The following KCNMA1 variants were observed in gnomAD, a reference collection of about 807,000 sequenced individuals.
KCNMA1 encodes the protein potassium calcium-activated channel subfamily M alpha 1.
In KCNMA1, 29 loss-of-function variants were observed where a neutral mutation model predicts 140.0. That is an observed-to-expected ratio of 0.21 (90% CI 0.15 to 0.28). KCNMA1 has a LOEUF of 0.28. Ranked by LOEUF, KCNMA1 falls within the 10% of genes least tolerant of loss-of-function variation. KCNMA1 has a pLI of 1.00. For missense variants in KCNMA1, 880 were observed against 1,602.2 expected, an observed-to-expected ratio of 0.55 and a Z score of 7.70; for synonymous variants, 612 against 611.9, an observed-to-expected ratio of 1.00 and a Z score of 0.00.
chr10:77,133,949 G>A (rs960148559), intron 5 of KCNMA1, among the ~76,000 whole-genome samples: 12 of 152,226 alleles, frequency 7.9e-5, no homozygotes, highest in Admixed American at 2.0e-4. Context: ...TGGCAACAAT[G>A]ACTAAGCAGT....
intron 2 of KCNMA1, among the ~76,000 whole-genome samples, chr10:77,296,982 C>T (rs1284497716): frequency 6.6e-6 from 1 of 151,792 alleles, no homozygotes; most frequent in Non-Finnish European, 1.5e-5. Flanking sequence ...CGTTTGTGAG[C>T]CTGGACTTCC....
At chr10:77,470,287 G>A (rs72807580) in intron 1 of KCNMA1, among the ~76,000 whole-genome samples, 39 of 152,238 alleles carry the variant, frequency 2.6e-4, no homozygotes, top group South Asian at 8.3e-4. Context: ...CTGCTTAAAC[G>A]GTGCCACAGA....
intron 1 of KCNMA1, among the ~76,000 whole-genome samples, chr10:77,499,307 T>C (rs1393646684): frequency 6.6e-6 from 1 of 151,784 alleles, no homozygotes; most frequent in Non-Finnish European, 1.5e-5. Flanking sequence ...AGGCAGCCAA[T>C]TCAGAATAAA....
intron 12 of KCNMA1, among the ~76,000 whole-genome samples, chr10:77,080,275 G>C (rs543487397): frequency 6.6e-6 from 1 of 152,148 alleles, no homozygotes; most frequent in Non-Finnish European, 1.5e-5. Flanking sequence ...GTATAAATAC[G>C]ACAGCCTGCC....
chr10:77,033,206 C>T (rs1321227534), intron 15 of KCNMA1, among the ~76,000 whole-genome samples: 1 of 152,134 alleles, frequency 6.6e-6, no homozygotes, highest in Non-Finnish European at 1.5e-5. Context: ...AAAAGATTCA[C>T]ATTCAGGAGC....
intron 2 of KCNMA1, among the ~76,000 whole-genome samples, chr10:77,255,269 G>A (rs1471479329): frequency 6.6e-6 from 1 of 152,158 alleles, no homozygotes; most frequent in Non-Finnish European, 1.5e-5. Flanking sequence ...ACATGTGTTT[G>A]CACAAAAGAA....
At chr10:77,215,298 A>G (rs956619964) in intron 3 of KCNMA1, among the ~76,000 whole-genome samples, 1 of 151,338 alleles carries the variant, frequency 6.6e-6, no homozygotes, top group African/African-American at 2.4e-5. Flanking sequence ...ACCCCACTAG[A>G]TCAGGCCAGT....
intron 1 of KCNMA1, among the ~76,000 whole-genome samples, chr10:77,429,573 C>T (rs959849057): frequency 8.5e-5 from 13 of 152,290 alleles, no homozygotes; most frequent in African/African-American, 3.1e-4. Flanking sequence ...CTATGGTCAA[C>T]TAAGTTTGAG....
intron 1 of KCNMA1, among the ~76,000 whole-genome samples, chr10:77,498,150 G>A (rs771313262): frequency 3.7e-4 from 56 of 152,180 alleles, no homozygotes; most frequent in Non-Finnish European, 1.3e-4. Flanking sequence ...GGGCAGCTTT[G>A]CTCCCTGAGA....
At chr10:77,629,777 A>C (rs778484634) in intron 1 of KCNMA1, among the ~76,000 whole-genome samples, 9 of 152,204 alleles carry the variant, frequency 5.9e-5, no homozygotes, top group Non-Finnish European at 1.3e-4. Flanking sequence ...GTATACACTT[A>C]ATATGCAACA....
At chr10:77,233,021 G>T (rs1014096006) in intron 3 of KCNMA1, among the ~76,000 whole-genome samples, 3 of 151,860 alleles carry the variant, frequency 2.0e-5, no homozygotes, top group African/African-American at 7.3e-5. Context: ...CAAGTAGCTG[G>T]GTTCACAAGC....
intron 2 of KCNMA1, among the ~76,000 whole-genome samples, chr10:77,271,208 C>T (rs1007189907): frequency 1.1e-4 from 16 of 152,316 alleles, no homozygotes; most frequent in Middle Eastern, 3.4e-3. Context: ...AAATTAAAAA[C>T]TCAGTTCCTC....
intron 2 of KCNMA1, among the ~76,000 whole-genome samples, chr10:77,346,683 G>A (rs11594783): frequency 6.6e-6 from 1 of 152,128 alleles, no homozygotes; most frequent in Non-Finnish European, 1.5e-5. Flanking sequence ...CATTGGGGTT[G>A]CTGTGTCCTG....
At chr10:77,636,574 G>A (rs1455520892) in intron 1 of KCNMA1, 2 of 1,536,190 alleles carry the variant, frequency 1.3e-6, no homozygotes, top group Admixed American at 2.0e-5. Context: ...GAGCACCTAA[G>A]GGACGGAGTG....
At chr10:77,131,578 GT>G (rs2097858243) in intron 5 of KCNMA1, among the ~76,000 whole-genome samples, 4 of 152,084 alleles carry the variant, frequency 2.6e-5, no homozygotes, top group Admixed American at 2.6e-4. Flanking sequence ...TGACTAGAAG[GT>G]TGCCAGGAGA....
At chr10:77,426,198 C>T (rs184336686) in intron 1 of KCNMA1, among the ~76,000 whole-genome samples, 1 of 152,262 alleles carries the variant, frequency 6.6e-6, no homozygotes, top group African/African-American at 2.4e-5. Context: ...TTATTGATGA[C>T]AGAGATGAAA....
intron 14 of KCNMA1, among the ~76,000 whole-genome samples, chr10:77,053,893 G>A (rs1269735310): frequency 1.3e-5 from 2 of 152,098 alleles, no homozygotes; most frequent in African/African-American, 4.8e-5. Context: ...CAGGTAAATA[G>A]GGAGCTAAGA....
chr10:76,971,834 A>G (rs2076168603), intron 19 of KCNMA1, among the ~76,000 whole-genome samples: 1 of 152,234 alleles, frequency 6.6e-6, no homozygotes, highest in Non-Finnish European at 1.5e-5. Context: ...ATGGTATTGA[A>G]AAAATCACTT....
rs150034372 is a variant in KCNMA1, at chr10:77,622,393, G to A, written c.378+14872C>T. On this transcript the variant is annotated intron_variant, in intron 1 of 27. Transcript: ENST00000286628. Reference sequence around the variant, plus strand: ...TGAGGTGTACAGTGTGGGATTAGGTGCATGGGATCCACAGCCCACCTGCCT... The same window carrying A: ...TGAGGTGTACAGTGTGGGATTAGGTACATGGGATCCACAGCCCACCTGCCT... 2.5e-3 allele frequency among the ~76,000 whole-genome samples: 385 copies of A among 152,316 alleles called. 3 individuals carry two copies. Among genetic ancestry groups the A allele is most frequent in the African/African-American group, 8.9e-3 (370 of 41,552 alleles).
Sources: gnomAD v4.1 joint callset for allele counts (sites outside exome capture counted in the v4.1 genomes callset) on GRCh38, gnomAD v4.1.1 for gene constraint, MANE v1.5 for transcripts, NCBI Gene and HGNC (gene_info 2026-07-23, HGNC 2026-07-21) for gene names.